The following MACROH2A1 variants were observed in gnomAD, a reference collection of about 807,000 sequenced individuals.
The protein encoded by MACROH2A1 is core histone macro-H2A.1.
A neutral mutation model predicts 31.6 loss-of-function variants in MACROH2A1; 2 were observed. That is an observed-to-expected ratio of 0.06 (90% CI 0.03 to 0.20). MACROH2A1 has a LOEUF of 0.20. MACROH2A1 is among the 10% of genes least tolerant of loss of function. MACROH2A1 has a pLI of 1.00. For missense variants in MACROH2A1, 230 were observed against 474.0 expected (o/e 0.49, Z 4.78); for synonymous variants, 169 against 189.6 (o/e 0.89, Z 0.89).
chr5:135,336,839 C>T (rs754658104), intron 8 of MACROH2A1, among the ~76,000 whole-genome samples: 15 of 152,168 alleles, frequency 9.9e-5, no homozygotes, highest in Non-Finnish European at 2.1e-4. Flanking sequence ...GAATGAGCCA[C>T]GTTGAGAATT....
intron 2 of MACROH2A1, among the ~76,000 whole-genome samples, chr5:135,383,458 A>T (rs1581328410): frequency 1.3e-5 from 2 of 152,310 alleles, no homozygotes; most frequent in South Asian, 4.1e-4. Context: ...CTCAATTTTC[A>T]AACAAATTAC....
At chr5:135,370,528 G>A (rs1026183529) in intron 2 of MACROH2A1, among the ~76,000 whole-genome samples, 7 of 145,338 alleles carry the variant, frequency 4.8e-5, no homozygotes, top group Non-Finnish European at 7.4e-5. Context: ...TGGTCCCTGA[G>A]AGTATACCAT....
intron 5 of MACROH2A1, chr5:135,356,568 G>A (rs1254333718): frequency 6.6e-6 from 1 of 152,138 alleles, no homozygotes; most frequent in African/African-American, 2.4e-5. Context: ...TTTCCTTTAA[G>A]GCATTGTTAA....
chr5:135,344,758 C>G (rs1348081926), intron 7 of MACROH2A1: 2 of 152,218 alleles, frequency 1.3e-5, no homozygotes, highest in African/African-American at 4.8e-5. Flanking sequence ...CCCTTAAAAT[C>G]AAGAACAAAA....
At chr5:135,387,246 T>A (rs372534254) in intron 2 of MACROH2A1, among the ~76,000 whole-genome samples, 1 of 152,224 alleles carries the variant, frequency 6.6e-6, no homozygotes, top group African/African-American at 2.4e-5. Flanking sequence ...TCATGCTTAG[T>A]TCACATTACC....
At position 135,350,113 on chromosome 5, in the gene MACROH2A1, A is replaced by G. The variant is rs146363036; in HGVS notation, c.688+2833T>C. ...TGCAGCCTCAGGATATGGCATCTCA[A>G]GTGCCCTCTTTCTTGGCCACCCTCA... On this transcript the variant is annotated intron_variant, in intron 6 of 8. Coordinates refer to ENST00000511689, the MANE Select transcript of MACROH2A1 (RefSeq NM_138610.3). Among the ~76,000 whole-genome samples the G allele has an allele frequency of 1.1e-4, 17 of 152,320 alleles. No individual in the cohort carries two copies. In the East Asian group the frequency reaches 3.3e-3, roughly 29 times the overall value.
intron 6 of MACROH2A1, 116 bp from the exon 7 acceptor site, chr5:135,346,173 C>A (rs1363210536): frequency 2.7e-6 from 2 of 728,350 alleles, no homozygotes; most frequent in East Asian, 5.2e-5. Context: ...CATCAGGCTG[C>A]AAAACAGGAA....
rs997837868 is a variant in MACROH2A1 at position 135,343,733 on chromosome 5, C to CCAT, written c.779-302_779-300dup. ...GGTTCTCCCAGAGGCAGAGCCTTAT[C>CCAT]CATCAAAACTCAACTGAACGCAAAC... On this transcript the variant is annotated intron_variant, in intron 7 of 8. Transcript: ENST00000511689. 42 of 402,784 alleles carry CCAT rather than the reference C, an allele frequency of 1.0e-4. No homozygotes were observed. The Admixed American group carries it at 1.2e-3, about 12-fold the overall frequency. The allele number at this position is 402,784 out of a possible 1,614,324, so 25.0% of individuals were successfully genotyped here.
rs1456387819 is a variant in MACROH2A1 at position 135,352,803 on chromosome 5, T to C, written c.688+143A>G. The C allele has an allele frequency of 4.8e-6, 3 of 630,742 alleles. No homozygotes were observed. The Admixed American group carries it at 7.6e-5, about 16-fold the overall frequency. 39.1% of individuals were successfully genotyped at this position (630,742 alleles called of 1,614,324 possible). On this transcript the variant is annotated intron_variant, in intron 6 of 8. Transcript: ENST00000511689. ...GGAATGGCCTGGAGTAAGTTGATAT[T>C]CAGCGTCTACACTCAAATATCAATC...
intron 7 of MACROH2A1, 195 bp from the exon 8 acceptor site, chr5:135,343,629 T>C (rs181309851): frequency 1.5e-5 from 13 of 839,680 alleles, no homozygotes; most frequent in Admixed American, 1.5e-4. Flanking sequence ...CCTTGGAAAG[T>C]TGGCATTATG....
At chr5:135,349,027 G>C (rs1761195918) in intron 6 of MACROH2A1, among the ~76,000 whole-genome samples, 1 of 152,218 alleles carries the variant, frequency 6.6e-6, no homozygotes, top group African/African-American at 2.4e-5. Context: ...AGCTGGGTCT[G>C]CCTGTTACTT....
At chr5:135,386,495 T>C (rs1016474911) in intron 2 of MACROH2A1, among the ~76,000 whole-genome samples, 4 of 152,234 alleles carry the variant, frequency 2.6e-5, no homozygotes, top group African/African-American at 9.6e-5. Context: ...CAAGAGCTGA[T>C]GTGGCTGATG....
At chr5:135,343,775 T>C (rs1372846158) in intron 7 of MACROH2A1, 4 of 300,802 alleles carry the variant, frequency 1.3e-5, no homozygotes, top group African/African-American at 8.5e-5. Context: ...TGTCAGAACA[T>C]TTGCAGCCTC....
intron 6 of MACROH2A1, chr5:135,346,423 T>C (rs1760847361): frequency 4.4e-6 from 1 of 227,478 alleles, no homozygotes; most frequent in Non-Finnish European, 8.8e-6. Context: ...TTTCCAAGAC[T>C]AATGCCTGCC....
At chr5:135,374,704 A>T (rs1050697223) in intron 2 of MACROH2A1, among the ~76,000 whole-genome samples, 3 of 152,208 alleles carry the variant, frequency 2.0e-5, no homozygotes, top group African/African-American at 7.2e-5. Context: ...AAGAAAAGCG[A>T]TTCTGAGAAA....
chr5:135,365,054 A>C (rs987909239), intron 4 of MACROH2A1, among the ~76,000 whole-genome samples: 4 of 152,226 alleles, frequency 2.6e-5, no homozygotes, highest in African/African-American at 9.6e-5. Context: ...AAGTTTGGCA[A>C]AAACTGGCTT....
chr5:135,360,140 C>A (rs773564565), intron 5 of MACROH2A1: 3 of 297,878 alleles, frequency 1.0e-5, no homozygotes, highest in Non-Finnish European at 1.9e-5. Flanking sequence ...TCACCTTCCA[C>A]CACCAAGGCT....
At chr5:135,339,440 G>T (rs890272610) in intron 8 of MACROH2A1, among the ~76,000 whole-genome samples, 9 of 152,162 alleles carry the variant, frequency 5.9e-5, no homozygotes, top group African/African-American at 1.9e-4. Flanking sequence ...TCCAGGGCTG[G>T]GGCCAGGCAG....
At chr5:135,365,893 T>C (rs1309747324) in intron 4 of MACROH2A1, among the ~76,000 whole-genome samples, 1 of 152,194 alleles carries the variant, frequency 6.6e-6, no homozygotes, top group Non-Finnish European at 1.5e-5. Context: ...GGTGATGATA[T>C]GGTTTGGCTC....
Sources: gnomAD v4.1 joint callset for allele counts (sites outside exome capture counted in the v4.1 genomes callset) on GRCh38, gnomAD v4.1.1 for gene constraint, MANE v1.5 for transcripts, NCBI Gene and HGNC (gene_info 2026-07-23, HGNC 2026-07-21) for gene names.